The following IRF2 variants were observed in gnomAD, a reference collection of about 807,000 sequenced individuals.
IRF2 encodes interferon regulatory factor 2.
Under a neutral mutation model 40.6 loss-of-function variants are expected in IRF2, and 15 were observed. The ratio of observed to expected loss-of-function variants is 0.37; its 90% CI spans 0.25 to 0.57. IRF2 has a LOEUF of 0.57. IRF2 is among the 20% of genes least tolerant of loss of function. The probability of loss-of-function intolerance (pLI) is 0.77; values close to 1 mark genes in which losing one functional copy is unlikely to be tolerated. For missense variants in IRF2, 317 were observed against 455.7 expected (o/e 0.70, Z 2.77); for synonymous variants, 151 against 165.5 (o/e 0.91, Z 0.67).
At chr4:184,433,114 A>G (rs913139747) in intron 1 of IRF2, among the ~76,000 whole-genome samples, 1 of 152,192 alleles carries the variant, frequency 6.6e-6, no homozygotes, top group South Asian at 2.1e-4. Context: ...CTAAGACTGA[A>G]GAGGAAACCG....
intron 1 of IRF2, among the ~76,000 whole-genome samples, chr4:184,444,610 A>C (rs1016257003): frequency 1.3e-5 from 2 of 152,226 alleles, no homozygotes; most frequent in African/African-American, 4.8e-5. Flanking sequence ...AACTAACCCA[A>C]ATACCAGACA....
At chr4:184,418,480 G>C (rs1198268908) in intron 4 of IRF2, 52 bp downstream of exon 4, 1 of 1,516,376 alleles carries the variant, frequency 6.6e-7, no homozygotes, top group Admixed American at 1.7e-5. Flanking sequence ...AGATCACGAA[G>C]GCACGATGAC....
chr4:184,405,097 A>T (rs571024786), intron 6 of IRF2, among the ~76,000 whole-genome samples: 293 of 152,138 alleles, frequency 1.9e-3, no homozygotes, highest in African/African-American at 6.8e-3. Context: ...AAAAAAAATT[A>T]CCCAGGCATG....
chr4:184,422,337 A>G (rs1737512985), intron 2 of IRF2, among the ~76,000 whole-genome samples: 1 of 152,226 alleles, frequency 6.6e-6, no homozygotes, highest in South Asian at 2.1e-4. Context: ...CGCTGTGGAA[A>G]TGCAAAATGG....
At chr4:184,459,985 C>G (rs1739076923) in intron 1 of IRF2, among the ~76,000 whole-genome samples, 1 of 152,124 alleles carries the variant, frequency 6.6e-6, no homozygotes, top group Non-Finnish European at 1.5e-5. Context: ...ACCGTATGAC[C>G]CAGCCATTCT....
At chr4:184,445,422 G>C (rs1475249441) in intron 1 of IRF2, among the ~76,000 whole-genome samples, 1 of 151,690 alleles carries the variant, frequency 6.6e-6, no homozygotes, top group African/African-American at 2.4e-5. Flanking sequence ...GGGAGGCCAA[G>C]GCAGGCGGAT....
At chr4:184,434,946 G>A (rs1472400726) in intron 1 of IRF2, among the ~76,000 whole-genome samples, 1 of 152,162 alleles carries the variant, frequency 6.6e-6, no homozygotes, top group Non-Finnish European at 1.5e-5. Context: ...CTCCTTGGGA[G>A]GCTGAGGTGG....
chr4:184,434,291 T>C (rs749899555), intron 1 of IRF2, among the ~76,000 whole-genome samples: 1 of 152,226 alleles, frequency 6.6e-6, no homozygotes, highest in Non-Finnish European at 1.5e-5. Flanking sequence ...TGCTGGTGTG[T>C]GTCCTTGGGC....
intron 5 of IRF2, among the ~76,000 whole-genome samples, chr4:184,410,025 G>A (rs980850407): frequency 2.6e-5 from 4 of 151,994 alleles, no homozygotes; most frequent in African/African-American, 7.3e-5. Context: ...CTTCCGACCC[G>A]CTGTCTGCCT....
At chr4:184,473,858 C>T (rs66801661) in intron 1 of IRF2, 27,902 of 151,988 alleles carry the variant, frequency 0.18, 3,151 homozygotes, top group South Asian at 0.32. Flanking sequence ...AGGACCCGCT[C>T]CCCTCCTTCG....
intron 1 of IRF2, among the ~76,000 whole-genome samples, chr4:184,434,274 C>A (rs1483609059): frequency 6.6e-6 from 1 of 152,214 alleles, no homozygotes; most frequent in Non-Finnish European, 1.5e-5. Context: ...GACCTTGACT[C>A]TGCCATTGCT....
chr4:184,463,346 A>G (rs1314057711), intron 1 of IRF2, among the ~76,000 whole-genome samples: 1 of 152,176 alleles, frequency 6.6e-6, no homozygotes, highest in African/African-American at 2.4e-5. Flanking sequence ...ACCAACCAAG[A>G]TGGTAGCCAC....
Position 184,421,087 on chromosome 4 carries a change from C to T in IRF2, c.88-1519G>A, listed in dbSNP as rs1737465493. Among the ~76,000 whole-genome samples the T allele has an allele frequency of 2.6e-5, 4 of 152,202 alleles. No individual in the cohort carries two copies. The South Asian group carries it at 6.2e-4, about 24-fold the overall frequency. ...ATTGCTAGGTATGCGGATCCCTGCA[C>T]TAGATGCTGAGGAAGGAGAGGAAAT... On this transcript the variant is annotated intron_variant, in intron 2 of 8. Coordinates refer to ENST00000393593, the MANE Select transcript of IRF2 (RefSeq NM_002199.4).
At chr4:184,437,160 A>G (rs1205951844) in intron 1 of IRF2, among the ~76,000 whole-genome samples, 3 of 152,186 alleles carry the variant, frequency 2.0e-5, no homozygotes, top group African/African-American at 7.2e-5. Context: ...GGTTCAAGCA[A>G]TTCTCCTGCC....
In IRF2 at chr4:184,433,441, C is replaced by T. The variant is rs560277816; in HGVS notation, c.-6-4371G>A. ...TCGGCGTGCCGGGCTTGTCATCCAC[C>T]GGCTGGGTGCATTCCTCACTTACGC... On this transcript the variant is annotated intron_variant, in intron 1 of 8. Transcript: ENST00000393593. Among the ~76,000 whole-genome samples, 8 of 152,324 alleles carry T rather than the reference C, an allele frequency of 5.3e-5. No individual in the cohort carries two copies. The East Asian group carries it at 7.7e-4, about 15-fold the overall frequency.
Position 184,425,990 on chromosome 4 carries a change from G to T in IRF2, c.87+2988C>A, listed in dbSNP as rs915388896. Among the ~76,000 whole-genome samples the T allele has an allele frequency of 2.1e-3, 250 of 119,882 alleles. 3 individuals are homozygous for T. The highest frequency in any genetic ancestry group is 8.0e-3 in the African/African-American group (214 of 26,628). The allele number at this position is 119,882 out of a possible 152,430, so 78.6% of individuals were successfully genotyped here. On this transcript the variant is annotated intron_variant, in intron 2 of 8. Transcript: ENST00000393593. Reference sequence around the variant, plus strand: ...GGCTCACTCCGGTTTTTGTTTGTTTGTTTGTTTGTTTGTTTGTTTGTTTGT... The same window carrying T: ...GGCTCACTCCGGTTTTTGTTTGTTTTTTTGTTTGTTTGTTTGTTTGTTTGT...
At position 184,474,025 on chromosome 4, in the gene IRF2, C is replaced by G. The variant is rs1224250506; in HGVS notation, c.-7+354G>C. On this transcript the variant is annotated intron_variant, in intron 1 of 8. Transcript: ENST00000393593. This position sits in a 1 kb window ranked among gnomAD's most constrained non-coding sequence, Gnocchi z 5.6. ...GAAGCACACACAGCAGGTCTGTGTC[C>G]ATGGAGCCACCTCTCCGCATCTGCA... 3 of 153,252 alleles carry G rather than the reference C, an allele frequency of 2.0e-5. No individual in the cohort carries two copies. Among genetic ancestry groups the G allele is most frequent in the African/African-American group, 7.2e-5 (3 of 41,456 alleles). The allele number at this position is 153,252 out of a possible 1,614,324, so 9.5% of individuals were successfully genotyped here.
chr4:184,429,553 A>T (rs935668602), intron 1 of IRF2, among the ~76,000 whole-genome samples: 1 of 152,146 alleles, frequency 6.6e-6, no homozygotes, highest in Non-Finnish European at 1.5e-5. Flanking sequence ...CCCCAATATT[A>T]ACATTTAAAG....
At chr4:184,426,018 T>G (rs2149902919) in intron 2 of IRF2, among the ~76,000 whole-genome samples, 1 of 141,476 alleles carries the variant, frequency 7.1e-6, no homozygotes, top group South Asian at 2.3e-4. Context: ...TTGTTTGTTT[T>G]TGAGATGGAG....
Sources: gnomAD v4.1 joint callset for allele counts (sites outside exome capture counted in the v4.1 genomes callset) on GRCh38, gnomAD v4.1.1 for gene constraint, Gnocchi (gnomAD v3.1) non-coding constraint, MANE v1.5 for transcripts, NCBI Gene and HGNC (gene_info 2026-07-23, HGNC 2026-07-21) for gene names.